Variants in TSC1 observed in about 807,000 individuals in gnomAD.
The protein encoded by TSC1 is hamartin.
In TSC1, 20 loss-of-function variants were observed where a neutral mutation model predicts 124.3. The observed-to-expected ratio is 0.16, with a 90% CI of 0.11 to 0.23. TSC1 has a LOEUF of 0.23. TSC1 is among the 10% of genes least tolerant of loss of function. The pLI is 1.00. For missense variants in TSC1, 1,124 were observed against 1,448.5 expected (o/e 0.78, Z 3.64); for synonymous variants, 493 against 539.1 (o/e 0.91, Z 1.19).
At chr9:132,912,849 T>C (rs1846044102) in intron 8 of TSC1, 3 of 233,668 alleles carry the variant, frequency 1.3e-5, no homozygotes, top group African/African-American at 7.0e-5. Context: ...TGACTTAAGG[T>C]CTCCTATCAA....
chr9:132,915,782 C>T (rs1177726790), intron 8 of TSC1, among the ~76,000 whole-genome samples: 2 of 152,182 alleles, frequency 1.3e-5, no homozygotes, highest in Admixed American at 1.3e-4. Flanking sequence ...GTATTAAATA[C>T]AGAAAAGAAA....
Position 132,921,320 on chromosome 9 carries a change from T to A in TSC1, c.737+43A>T, listed in dbSNP as rs1212099501. The A allele has an allele frequency of 6.3e-7, 1 of 1,594,498 alleles. No individual in the cohort carries two copies. Among genetic ancestry groups the A allele is most frequent in the East Asian group, 2.2e-5 (1 of 44,734 alleles). On this transcript the variant is annotated intron_variant, in intron 8 of 22. Coordinates refer to ENST00000298552, the MANE Select transcript of TSC1 (RefSeq NM_000368.5). The surrounding 1 kb of genome is among the most constrained non-coding windows in gnomAD (Gnocchi z 4.3). ...ATTACCTCCTAGATCACATTTTCAA[T>A]CTCTCGAAAGATTCTTTAAAATTTT...
intron 8 of TSC1, among the ~76,000 whole-genome samples, chr9:132,915,309 G>A (rs1295848927): frequency 6.6e-6 from 1 of 152,042 alleles, no homozygotes; most frequent in Non-Finnish European, 1.5e-5. Context: ...GCAAGACTGT[G>A]CCGCAAAAAA....
At chr9:132,911,625 TAAAAAAAAAAA>T (rs11364856) in intron 9 of TSC1, 57 bp from the exon 10 acceptor site, 65 of 169,094 alleles carry the variant, frequency 3.8e-4, no homozygotes, top group Admixed American at 1.0e-3. Flanking sequence ...TTATTCTGGT[TAAAAAAAAAAA>T]AAAAAAAAAA....
At chr9:132,911,367 T>C (rs1210777917) in intron 10 of TSC1, 86 bp downstream of exon 10, 25 of 1,098,596 alleles carry the variant, frequency 2.3e-5, no homozygotes, top group Non-Finnish European at 3.4e-5. Context: ...GTGTGAAATT[T>C]TCCCAACCAC....
rs1036825417 is a variant in TSC1, at chr9:132,891,697, T to C, written c.*4538A>G. 3.0e-5 allele frequency: 7 copies of C among 233,636 alleles called. No homozygotes were observed. The highest frequency in any genetic ancestry group is 1.1e-4 in the African/African-American group (5 of 45,362). The allele number at this position is 233,636 out of a possible 1,614,324, so 14.5% of individuals were successfully genotyped here. On this transcript the variant is annotated 3_prime_UTR_variant, in exon 23 of 23. Transcript: ENST00000298552. ...ATGATTGAGTTATAAAACTAGATTA[T>C]GTCTTAGCAAAATCTGTTCCTCCGT...
rs10653890 is a variant in TSC1, at chr9:132,924,061, A to AATAT, written c.364-573_364-570dup. ...CAGTATTTAGAGACCAGTAAATTAAAATATATATATATGGAAACCTTTCAG... is the reference window on the plus strand; with the variant it reads ...CAGTATTTAGAGACCAGTAAATTAAAATATATATATATATATGGAAACCTTTCAG... On this transcript the variant is annotated intron_variant, in intron 5 of 22. Coordinates refer to ENST00000298552, the MANE Select transcript of TSC1 (RefSeq NM_000368.5). Among the ~76,000 whole-genome samples the AATAT allele has an allele frequency of 3.3e-4, 50 of 151,184 alleles. 1 individual carries two copies. Among genetic ancestry groups the AATAT allele is most frequent in the East Asian group, 1.6e-3 (8 of 5,136 alleles).
rs76667066 is a variant in TSC1, at chr9:132,925,703, C to G, written c.247G>C (p.Ala83Pro). Residue 83 changes from alanine to proline, a missense_variant, in exon 5 of 23, where the codon GCC becomes CCC. Ala to Pro is a conservative substitution (Grantham distance 27, BLOSUM62 -1). This residue lies in a region of TSC1 where 463 missense variants were observed against 606.8 expected (regional missense o/e 0.76). Coordinates refer to ENST00000298552, the MANE Select transcript of TSC1 (RefSeq NM_000368.5). ...LDRINEYVGK[A>P]ATRLSILSLL... ...GAGAGGATGGATAAACGAGTGGCGG[C>G]TTTGCCCACATATTCGTTAATCCTG... The G allele has an allele frequency of 6.2e-7, 1 of 1,614,194 alleles. No individual in the cohort carries two copies. The highest frequency in any genetic ancestry group is 1.6e-4 in the Middle Eastern group (1 of 6,062).
In TSC1 at chr9:132,902,241, T is replaced by C. The variant is rs546509949; in HGVS notation, c.2391+364A>G. 1.5e-4 allele frequency among the ~76,000 whole-genome samples: 23 copies of C among 152,314 alleles called. No individual in the cohort carries two copies. The highest frequency in any genetic ancestry group is 4.1e-4 in the African/African-American group (17 of 41,580). ...CACGAGGCATTAGTAATTGCAATTATTTTTTTAAAAATTAATTTATGTGTA... is the reference window on the plus strand; with the variant it reads ...CACGAGGCATTAGTAATTGCAATTACTTTTTTAAAAATTAATTTATGTGTA... On this transcript the variant is annotated intron_variant, in intron 18 of 22. Coordinates refer to ENST00000298552, the MANE Select transcript of TSC1 (RefSeq NM_000368.5). This position sits in a 1 kb window ranked among gnomAD's most constrained non-coding sequence, Gnocchi z 5.2.
chr9:132,910,116 T>C (rs1335902354), intron 12 of TSC1: 9 of 220,344 alleles, frequency 4.1e-5, no homozygotes, highest in African/African-American at 7.0e-5. Context: ...CTGGGCAACA[T>C]AGTGAGACCT....
rs2131597261 is a variant in TSC1, at chr9:132,896,454, A to G, written c.3276T>C (p.Ala1092=). 2 of 1,614,102 alleles carry G rather than the reference A, an allele frequency of 1.2e-6. No individual in the cohort carries two copies. Among genetic ancestry groups the G allele is most frequent in the Non-Finnish European group, 1.7e-6 (2 of 1,180,024 alleles). The part of the protein sequence containing the change: ...PSSKSFLGMK[A]RELFRNKSES... ...CGCTCTTATTACGAAATAACTCTCG[A>G]GCCTTCATACCCAGGAAGCTTTTTG... Residue 1092 remains alanine, a synonymous_variant, in exon 23 of 23, where the codon GCT becomes GCC. Transcript: ENST00000298552. This position sits in a 1 kb window ranked among gnomAD's most constrained non-coding sequence, Gnocchi z 4.5.
intron 20 of TSC1, among the ~76,000 whole-genome samples, chr9:132,898,073 C>T (rs970448210): frequency 6.6e-6 from 1 of 152,200 alleles, no homozygotes; most frequent in African/African-American, 2.4e-5. Context: ...GAAAATACGC[C>T]ACTATCCAGT....
chr9:132,922,213 A>G (rs1013966559), intron 6 of TSC1, among the ~76,000 whole-genome samples: 4 of 152,208 alleles, frequency 2.6e-5, no homozygotes, highest in African/African-American at 9.6e-5. Context: ...TACTAGTATG[A>G]TCCATGAAGG....
chr9:132,902,053 AAATG>A lies in TSC1; in HGVS notation c.2392-358_2392-355del, dbSNP rs1010136347. ...ACTCTGTGAATTACTAACTGGCTGGAAATGATGCTGTGTCTGTGGATGACGTCTT... is the reference window on the plus strand; with the variant it reads ...ACTCTGTGAATTACTAACTGGCTGGAATGCTGTGTCTGTGGATGACGTCTT... On this transcript the variant is annotated intron_variant, in intron 18 of 22. Coordinates refer to ENST00000298552, the MANE Select transcript of TSC1 (RefSeq NM_000368.5). The surrounding 1 kb of genome is among the most constrained non-coding windows in gnomAD (Gnocchi z 5.2). The A allele has an allele frequency of 2.0e-4, 52 of 264,668 alleles. No homozygotes were observed. The highest frequency in any genetic ancestry group is 1.1e-3 in the African/African-American group (47 of 44,568). 16.4% of individuals were successfully genotyped at this position (264,668 alleles called of 1,614,324 possible).
In TSC1 at chr9:132,905,601, C is replaced by A. The variant is rs35958226; in HGVS notation, c.1977G>T (p.Ala659=). The A allele has an allele frequency of 1.2e-6, 2 of 1,614,116 alleles. No individual in the cohort carries two copies. Among genetic ancestry groups the A allele is most frequent in the Non-Finnish European group, 1.7e-6 (2 of 1,180,038 alleles). ...LDRLIQQGAD[A]HSKELNKLPL... ...CTTACTTGTTCAGCTCCTTGCTGTG[C>A]GCGTCTGCTCCCTGCTGTATCAGTC... The change falls in exon 15 of 23, where the codon GCG becomes GCT. Residue 659 remains alanine (A), a synonymous_variant. Transcript: ENST00000298552.
At position 132,910,558 on chromosome 9, in the gene TSC1, A is replaced by G. The variant is rs1300588883; in HGVS notation, c.1263+13T>C. The G allele has an allele frequency of 6.2e-7, 1 of 1,613,996 alleles. No individual in the cohort carries two copies. The highest frequency in any genetic ancestry group is 8.5e-7 in the Non-Finnish European group (1 of 1,180,040). ...TGCCTGGGCAGAGGGATAGCAGACG[A>G]GCTGGATCGCACCTTCCTGGGGGGT... On this transcript the variant is annotated intron_variant, in intron 12 of 22. Transcript: ENST00000298552.
intron 1 of TSC1, among the ~76,000 whole-genome samples, chr9:132,939,483 T>C (rs963106395): frequency 5.3e-5 from 8 of 152,186 alleles, no homozygotes; most frequent in African/African-American, 1.7e-4. Flanking sequence ...CCTTGATGGA[T>C]GGTTTGCTAA....
rs2131936768 is a variant in TSC1, at chr9:132,910,553, A to G, written c.1263+18T>C. Reference sequence around the variant, plus strand: ...CACTGTGCCTGGGCAGAGGGATAGCAGACGAGCTGGATCGCACCTTCCTGG... The same window carrying G: ...CACTGTGCCTGGGCAGAGGGATAGCGGACGAGCTGGATCGCACCTTCCTGG... On this transcript the variant is annotated intron_variant, in intron 12 of 22. Coordinates refer to ENST00000298552, the MANE Select transcript of TSC1 (RefSeq NM_000368.5). 6.2e-7 allele frequency: 1 copy of G among 1,613,990 alleles called. No homozygotes were observed. The highest frequency in any genetic ancestry group is 8.5e-7 in the Non-Finnish European group (1 of 1,180,044).
rs1030376607 is a variant in TSC1 at position 132,910,771 on chromosome 9, C to T, written c.1142-79G>A. 6.9e-6 allele frequency: 11 copies of T among 1,593,024 alleles called. No individual in the cohort carries two copies. The African/African-American group carries it at 1.3e-4, about 19-fold the overall frequency. On this transcript the variant is annotated intron_variant, in intron 11 of 22. Transcript: ENST00000298552. ...CTGCCGATTTTTTTTCAGCCTATAA[C>T]TATTACTATAAATAAAGCTGCTAGA...
Sources: allele counts gnomAD v4.1 joint callset (sites outside exome capture counted in the v4.1 genomes callset), GRCh38; gene constraint gnomAD v4.1.1; regional missense constraint gnomAD v4.1.1; non-coding constraint Gnocchi (gnomAD v3.1); transcripts MANE v1.5; gene names NCBI Gene and HGNC (gene_info 2026-07-23, HGNC 2026-07-21).